Variants in NSG1 observed in about 807,000 individuals in gnomAD.
NSG1 encodes the protein neuronal vesicle trafficking-associated protein 1.
Under a neutral mutation model 19.3 loss-of-function variants are expected in NSG1, and 9 were observed. That is an observed-to-expected ratio of 0.47 (90% CI 0.28 to 0.81). The LOEUF (loss-of-function observed/expected upper bound fraction) is 0.81, where lower values mean the gene tolerates loss of function less well. Ranked by LOEUF, NSG1 falls within the 40% of genes least tolerant of loss-of-function variation. NSG1 has a pLI of 0.11. For missense variants in NSG1, 236 were observed against 242.4 expected (o/e 0.97, Z 0.18); for synonymous variants, 104 against 107.0 (o/e 0.97, Z 0.17).
chr4:4,401,702 C>A (rs187963372), intron 3 of NSG1, among the ~76,000 whole-genome samples: 53 of 152,280 alleles, frequency 3.5e-4, no homozygotes, highest in South Asian at 1.0e-3. Context: ...CTGAGAATGT[C>A]CCCTGGCTGC....
At chr4:4,388,292 T>A (rs1015215889) in intron 2 of NSG1, among the ~76,000 whole-genome samples, 1 of 152,194 alleles carries the variant, frequency 6.6e-6, no homozygotes. Context: ...GTGTGCGCGC[T>A]CACACAGGGT....
At chr4:4,388,305 C>T (rs1722839938) in intron 2 of NSG1, among the ~76,000 whole-genome samples, 1 of 152,208 alleles carries the variant, frequency 6.6e-6, no homozygotes, top group Non-Finnish European at 1.5e-5. Context: ...CACAGGGTCT[C>T]CTTCCTCTTT....
At chr4:4,412,483 C>T (rs1724263535) in intron 4 of NSG1, among the ~76,000 whole-genome samples, 1 of 151,706 alleles carries the variant, frequency 6.6e-6, no homozygotes, top group Non-Finnish European at 1.5e-5. Flanking sequence ...CCACTAGCAT[C>T]TAATGAGGGG....
chr4:4,389,825 T>G (rs1362182905), intron 2 of NSG1, among the ~76,000 whole-genome samples: 1 of 152,144 alleles, frequency 6.6e-6, no homozygotes, highest in African/African-American at 2.4e-5. Context: ...TCAGGGCTGG[T>G]CTCCCCTGAC....
chr4:4,409,127 T>C (rs1226871011), intron 3 of NSG1, among the ~76,000 whole-genome samples: 2 of 152,242 alleles, frequency 1.3e-5, no homozygotes, highest in Non-Finnish European at 2.9e-5. Context: ...CATGCGACAC[T>C]GCGTCCCAGC....
intron 3 of NSG1, among the ~76,000 whole-genome samples, chr4:4,396,707 G>A (rs769362796): frequency 7.8e-6 from 1 of 128,914 alleles, no homozygotes; most frequent in African/African-American, 3.3e-5. Context: ...ACATTCTCCA[G>A]TAAGCCCCTG....
At position 4,391,580 on chromosome 4, in the gene NSG1, G is replaced by C. The variant is rs1458333388; in HGVS notation, c.235G>C (p.Glu79Gln). The stretch of plus-strand genomic sequence containing the variant: ...CGTCAGCATCACGGAGGGTGTCACC[G>C]AGAGGTTTAAGGTGAGTGGTCCTGT... ...FTVSITEGVT[E>Q]RFKVSVLVLF... is the part of the protein sequence containing the mutation. Residue 79 changes from glutamate to glutamine, a missense_variant, in exon 3 of 5, where the codon GAG becomes CAG. Transcript: ENST00000621129. The C allele has an allele frequency of 6.2e-7, 1 of 1,609,752 alleles. No homozygotes were observed. The highest frequency in any genetic ancestry group is 8.5e-7 in the Non-Finnish European group (1 of 1,177,584).
At chr4:4,406,732 C>T (rs1445664323) in intron 3 of NSG1, among the ~76,000 whole-genome samples, 2 of 152,194 alleles carry the variant, frequency 1.3e-5, no homozygotes, top group East Asian at 1.9e-4. Context: ...GCGTTCCTTT[C>T]ACTGCTATTC....
At chr4:4,416,372 A>G (rs924686553) in intron 4 of NSG1, among the ~76,000 whole-genome samples, 5 of 152,228 alleles carry the variant, frequency 3.3e-5, no homozygotes, top group Admixed American at 2.6e-4. Flanking sequence ...GCAGGTATAA[A>G]GTATTCTCAT....
At chr4:4,408,679 CGAATT>C (rs1411811762) in intron 3 of NSG1, among the ~76,000 whole-genome samples, 7 of 152,166 alleles carry the variant, frequency 4.6e-5, no homozygotes, top group Non-Finnish European at 8.8e-5. Context: ...AAGCTGGTGT[CGAATT>C]CCTGACCTCA....
intron 4 of NSG1, among the ~76,000 whole-genome samples, chr4:4,414,261 C>T (rs1724393571): frequency 6.6e-6 from 1 of 151,782 alleles, no homozygotes; most frequent in African/African-American, 2.4e-5. Flanking sequence ...TGTCCGGCTG[C>T]AGATGAGACT....
rs1577279671 is a variant in NSG1 at position 4,391,598 on chromosome 4, G to T, written c.246+7G>T. ...TGTCACCGAGAGGTTTAAGGTGAGTGGTCCTGTGCTGGGTGAGATGCTGCT... is the reference window on the plus strand; with the variant it reads ...TGTCACCGAGAGGTTTAAGGTGAGTTGTCCTGTGCTGGGTGAGATGCTGCT... On this transcript the variant is annotated splice_region_variant and intron_variant, in intron 3 of 4. Transcript: ENST00000621129. The T allele has an allele frequency of 2.5e-6, 4 of 1,575,726 alleles. No homozygotes were observed. Among genetic ancestry groups the T allele is most frequent in the African/African-American group, 1.4e-5 (1 of 73,392 alleles).
At chr4:4,395,064 G>GACTTTCGCAGCTGA (rs1723182408) in intron 3 of NSG1, among the ~76,000 whole-genome samples, 2 of 152,234 alleles carry the variant, frequency 1.3e-5, no homozygotes, top group Non-Finnish European at 2.9e-5. Context: ...CTGCAGGCTG[G>GACTTTCGCAGCTGA]ACTTTCGCAG....
chr4:4,401,880 A>G (rs1723562962), intron 3 of NSG1, among the ~76,000 whole-genome samples: 2 of 151,968 alleles, frequency 1.3e-5, no homozygotes, highest in African/African-American at 4.8e-5. Flanking sequence ...CAGTGTCAGT[A>G]TGATGATGAT....
rs780799804 is a variant in NSG1 at position 4,391,555 on chromosome 4, C to T, written c.210C>T (p.Thr70=). ...GTCCTCCCCAAATTGCTGAGTTCAC[C>T]GTCAGCATCACGGAGGGTGTCACCG... ...KARPPQIAEF[T]VSITEGVTER... The change falls in exon 3 of 5, where the codon ACC becomes ACT. Residue 70 remains threonine (T), a synonymous_variant. Transcript: ENST00000621129. The T allele has an allele frequency of 1.8e-5, 29 of 1,613,356 alleles. No homozygotes were observed. The highest frequency in any genetic ancestry group is 1.2e-4 in the Admixed American group (7 of 59,854).
Position 4,418,802 on chromosome 4 carries a change from C to CTG in NSG1, c.*1367_*1368insTG, listed in dbSNP as rs1724740759. 6.6e-6 allele frequency: 1 copy of CTG among 152,432 alleles called. No homozygotes were observed. Among genetic ancestry groups the CTG allele is most frequent in the African/African-American group, 2.4e-5 (1 of 41,414 alleles). 9.4% of individuals were successfully genotyped at this position (152,432 alleles called of 1,614,324 possible). A position where few individuals can be genotyped will look rare whatever the true frequency, so the allele number is the denominator to read the frequency against. On this transcript the variant is annotated 3_prime_UTR_variant, in exon 5 of 5. Transcript: ENST00000621129. ...CATCAAGGGTGTCTGGAGACACAGA[C>CTG]CGTGACCTTGGCGCAGCGGTGTGCA...
chr4:4,401,484 C>T (rs1021408790), intron 3 of NSG1, among the ~76,000 whole-genome samples: 4 of 152,194 alleles, frequency 2.6e-5, no homozygotes, highest in African/African-American at 9.7e-5. Flanking sequence ...GGCACAAACC[C>T]TTTCTTCCTG....
intron 3 of NSG1, among the ~76,000 whole-genome samples, chr4:4,401,986 T>C (rs1039941351): frequency 6.6e-6 from 1 of 150,544 alleles, no homozygotes; most frequent in Admixed American, 6.6e-5. Flanking sequence ...GCTGAAGCGA[T>C]CCTCCCAAAT....
chr4:4,399,768 G>A (rs1347928038), intron 3 of NSG1, among the ~76,000 whole-genome samples: 1 of 152,226 alleles, frequency 6.6e-6, no homozygotes, highest in Admixed American at 6.5e-5. Context: ...AGCAGGGGAT[G>A]GTTTTGGGAT....
Sources: gnomAD v4.1 joint callset for allele counts (sites outside exome capture counted in the v4.1 genomes callset) on GRCh38, gnomAD v4.1.1 for gene constraint, MANE v1.5 for transcripts, NCBI Gene and HGNC (gene_info 2026-07-23, HGNC 2026-07-21) for gene names.